Variants in PEX1 observed in about 807,000 individuals in gnomAD.
PEX1 encodes peroxisomal ATPase PEX1.
Under a neutral mutation model 152.5 loss-of-function variants are expected in PEX1, and 97 were observed. The observed-to-expected ratio is 0.64, with a 90% CI of 0.54 to 0.75. The LOEUF (loss-of-function observed/expected upper bound fraction) is 0.75, where lower values mean the gene tolerates loss of function less well. Among genes scored for constraint, PEX1 ranks in the 30% least tolerant of loss-of-function variants. The pLI is 0.00. For missense variants in PEX1, 1,357 were observed against 1,516.3 expected, an observed-to-expected ratio of 0.89 and a Z score of 1.74; for synonymous variants, 485 against 531.6, an observed-to-expected ratio of 0.91 and a Z score of 1.21.
intron 21 of PEX1, 67 bp from the exon 22 acceptor site, chr7:92,489,978 C>T: frequency 1.7e-6 from 2 of 1,196,402 alleles, no homozygotes; most frequent in Non-Finnish European, 2.5e-6. Context: ...ATGTGTTTAC[C>T]AAATATAAAA....
At position 92,506,340 on chromosome 7, in the gene PEX1, C is replaced by T. The variant is rs1157466034; in HGVS notation, c.1808G>A (p.Ser603Asn). ...TGCTTTGGCTAAAGTTGATTTTCCA[C>T]TTCCCTAGAAAATAATTGCTTTATA... ...GALLLTGGKGSGKSTLAKAIC... is the reference protein window; with the variant it reads ...GALLLTGGKGNGKSTLAKAIC... Residue 603 changes from serine (S) to asparagine (N), a missense_variant, in exon 11 of 24, where the codon AGT becomes AAT. Transcript: ENST00000248633. The T allele has an allele frequency of 1.9e-6, 3 of 1,590,790 alleles. No homozygotes were observed. Among genetic ancestry groups the T allele is most frequent in the Non-Finnish European group, 2.6e-6 (3 of 1,159,200 alleles).
At chr7:92,490,174 AAC>A in intron 21 of PEX1, 1 of 488,758 alleles carries the variant, frequency 2.0e-6, no homozygotes, top group Non-Finnish European at 3.7e-6. Flanking sequence ...GCTTAAATCC[AAC>A]ACACTAATGC....
intron 8 of PEX1, 118 bp from the exon 9 acceptor site, chr7:92,509,529 T>C (rs1562859643): frequency 4.3e-6 from 3 of 702,056 alleles, no homozygotes; most frequent in South Asian, 1.5e-5. Flanking sequence ...AAATTATGCA[T>C]GCAAGATCAT....
In PEX1 at chr7:92,513,829, CAT is replaced by C. The variant is rs1258099284; in HGVS notation, c.1359+17_1359+18del. ...AACGTGTAAAAGAATTTTGATGTAACATATATATTTGAACTCACTAAATTCTC... is the reference window on the plus strand; with the variant it reads ...AACGTGTAAAAGAATTTTGATGTAACATATATTTGAACTCACTAAATTCTC... On this transcript the variant is annotated intron_variant, in intron 6 of 23. Transcript: ENST00000248633. The C allele has an allele frequency of 3.8e-6, 6 of 1,571,732 alleles. No individual in the cohort carries two copies. The highest frequency in any genetic ancestry group is 1.1e-5 in the South Asian group (1 of 88,700).
At chr7:92,515,016 C>T (rs112653701) in intron 5 of PEX1, among the ~76,000 whole-genome samples, 3,766 of 143,622 alleles carry the variant, frequency 0.026, 55 homozygotes, top group Middle Eastern at 0.079. Flanking sequence ...CACCACACTC[C>T]GGCCTGGGCG....
At chr7:92,492,899 T>C (rs1791417868) in intron 20 of PEX1, 54 bp downstream of exon 20, 1 of 1,359,926 alleles carries the variant, frequency 7.4e-7, no homozygotes, top group Non-Finnish European at 1.1e-6. Flanking sequence ...ATTTTGACAT[T>C]GTACTTCTTT....
In PEX1 at chr7:92,517,374, C is replaced by G; in HGVS notation, c.1141G>C (p.Ala381Pro). The change falls in exon 5 of 24, where the codon GCC (alanine) becomes CCC (proline). Residue 381 changes from alanine (A) to proline (P), a missense_variant. Transcript: ENST00000248633. Reference protein sequence around the residue: ...RSDHNEEDEKACVLQVVWNGL... With the variant: ...RSDHNEEDEKPCVLQVVWNGL... ...TTCCAGACTACTTGTAGCACACAGG[C>G]CTTCTCATCTTCTTCATTATGATCT... 1 of 1,613,316 alleles carries G rather than the reference C, an allele frequency of 6.2e-7. No individual in the cohort carries two copies. Among genetic ancestry groups the G allele is most frequent in the South Asian group, 1.1e-5 (1 of 91,030 alleles).
At chr7:92,490,163 T>G (rs1328451825) in intron 21 of PEX1, 3 of 509,694 alleles carry the variant, frequency 5.9e-6, no homozygotes, top group Admixed American at 6.9e-5. Context: ...TTAACTTTGT[T>G]GCTTAAATCC....
At position 92,494,331 on chromosome 7, in the gene PEX1, G is replaced by C; in HGVS notation, c.2992C>G (p.Arg998Gly). 1 of 1,613,818 alleles carries C rather than the reference G, an allele frequency of 6.2e-7. No individual in the cohort carries two copies. Among genetic ancestry groups the C allele is most frequent in the Non-Finnish European group, 8.5e-7 (1 of 1,179,896 alleles). The change falls in exon 19 of 24, where the codon CGA becomes GGA. Residue 998 changes from arginine (R) to glycine (G), a missense_variant. By Grantham distance (125) the Arg-to-Gly change is moderately radical. Coordinates refer to ENST00000248633, the MANE Select transcript of PEX1 (RefSeq NM_000466.3). ...LIDPALLRPG[R>G]LDKCVYCPPP... ...GGACAGTATACACATTTATCTAGTC[G>C]ACCAGGCCTAAGCAGGGCAGGGTCA... is the stretch of plus-strand genomic sequence containing the variant.
chr7:92,497,593 G>C (rs1791714592), intron 16 of PEX1, among the ~76,000 whole-genome samples: 1 of 151,750 alleles, frequency 6.6e-6, no homozygotes, highest in African/African-American at 2.4e-5. Flanking sequence ...ACCTGAATAG[G>C]TCCTAAAGTC....
chr7:92,527,241 T>C (rs1197011215), intron 1 of PEX1, among the ~76,000 whole-genome samples: 2 of 152,240 alleles, frequency 1.3e-5, no homozygotes, highest in Non-Finnish European at 2.9e-5. Context: ...TTAGAGTTAC[T>C]GTAAGAAAGC....
At chr7:92,524,410 G>A (rs1207087651) in intron 1 of PEX1, among the ~76,000 whole-genome samples, 1 of 151,994 alleles carries the variant, frequency 6.6e-6, no homozygotes, top group East Asian at 1.9e-4. Flanking sequence ...TGGGATTACA[G>A]GCCCCCACCA....
In PEX1 at chr7:92,494,359, C is replaced by G. The variant is rs1257122463; in HGVS notation, c.2964G>C (p.Leu988Phe). 1 of 1,613,790 alleles carries G rather than the reference C, an allele frequency of 6.2e-7. No homozygotes were observed. The highest frequency in any genetic ancestry group is 8.5e-7 in the Non-Finnish European group (1 of 1,179,938). The part of the protein sequence containing the change: ...YVLAATSRPD[L>F]IDPALLRPGR... The stretch of plus-strand genomic sequence containing the variant: ...CAGGCCTAAGCAGGGCAGGGTCAAT[C>G]AAGTCAGGGCGACTAGTAGCAGCCA... Residue 988 changes from leucine (L) to phenylalanine (F), a missense_variant, in exon 19 of 24, where the codon TTG becomes TTC. Leu to Phe is a conservative substitution (Grantham distance 22, BLOSUM62 0). Coordinates refer to ENST00000248633, the MANE Select transcript of PEX1 (RefSeq NM_000466.3).
At position 92,507,145 on chromosome 7, in the gene PEX1, G is replaced by A; in HGVS notation, c.1671-19C>T. On this transcript the variant is annotated intron_variant, in intron 9 of 23. Coordinates refer to ENST00000248633, the MANE Select transcript of PEX1 (RefSeq NM_000466.3). ...CACTCCTCTGTAAAAAATATACATAGTTACATGATAAAAGACTGAAGCAGG... is the reference window on the plus strand; with the variant it reads ...CACTCCTCTGTAAAAAATATACATAATTACATGATAAAAGACTGAAGCAGG... 6.2e-7 allele frequency: 1 copy of A among 1,610,158 alleles called. No homozygotes were observed.
At position 92,517,312 on chromosome 7, in the gene PEX1, G is replaced by A; in HGVS notation, c.1203C>T (p.Thr401=). The change falls in exon 5 of 24, where the codon ACC becomes ACT. Residue 401 remains threonine, a synonymous_variant. Coordinates refer to ENST00000248633, the MANE Select transcript of PEX1 (RefSeq NM_000466.3). ...LEELNNAIKY[T]KNVEVLHLGK... is the part of the protein sequence containing the mutation. ...CAAGATGGAGAACTTCTACATTTTTGGTATATTTGATGGCATTGTTCAATT... is the reference window on the plus strand; with the variant it reads ...CAAGATGGAGAACTTCTACATTTTTAGTATATTTGATGGCATTGTTCAATT... The A allele has an allele frequency of 6.2e-7, 1 of 1,613,598 alleles. No homozygotes were observed. The highest frequency in any genetic ancestry group is 8.5e-7 in the Non-Finnish European group (1 of 1,179,720).
At chr7:92,511,792 G>A in intron 6 of PEX1, 89 bp from the exon 7 acceptor site, 1 of 1,242,960 alleles carries the variant, frequency 8.0e-7, no homozygotes, top group Non-Finnish European at 1.1e-6. Flanking sequence ...TCCTAATAAA[G>A]TGTAAGCCTG....
intron 1 of PEX1, among the ~76,000 whole-genome samples, chr7:92,522,791 A>G (rs1793108349): frequency 6.6e-6 from 1 of 152,352 alleles, no homozygotes; most frequent in South Asian, 2.1e-4. Flanking sequence ...AACCAGATGG[A>G]GTATACAATC....
chr7:92,515,097 ATATATATATATATATATATATATATC>A (rs1562863844), intron 5 of PEX1, among the ~76,000 whole-genome samples: 3 of 4,782 alleles, frequency 6.3e-4, no homozygotes, highest in African/African-American at 2.3e-3. Flanking sequence ...ATATATATAT[ATATATATATATATATATATATATATC>A]AATAATGATG....
chr7:92,512,203 G>C (rs1158337076), intron 6 of PEX1, among the ~76,000 whole-genome samples: 2 of 152,114 alleles, frequency 1.3e-5, no homozygotes, highest in African/African-American at 4.8e-5. Context: ...TGTATTTTTG[G>C]TAGACATGGG....
Sources: allele counts gnomAD v4.1 joint callset (sites outside exome capture counted in the v4.1 genomes callset), GRCh38; gene constraint gnomAD v4.1.1; transcripts MANE v1.5; gene names NCBI Gene and HGNC (gene_info 2026-07-23, HGNC 2026-07-21).